The following AMPH variants were observed in gnomAD, a reference collection of about 807,000 sequenced individuals.
AMPH encodes the protein amphiphysin, also known as amphiphysin (Stiff-Mann syndrome with breast cancer 128kD autoantigen).
A neutral mutation model predicts 99.1 loss-of-function variants in AMPH; 49 were observed. The ratio of observed to expected loss-of-function variants is 0.49; its 90% CI spans 0.39 to 0.63. AMPH has a LOEUF of 0.63. Ranked by LOEUF, AMPH falls within the 20% of genes least tolerant of loss-of-function variation. AMPH has a pLI of 0.00. For synonymous variants in AMPH, 314 were observed against 317.3 expected, an observed-to-expected ratio of 0.99 and a Z score of 0.11; for missense variants, 759 against 863.4, an observed-to-expected ratio of 0.88 and a Z score of 1.52.
At chr7:38,545,216 C>A (rs981767891) in intron 1 of AMPH, among the ~76,000 whole-genome samples, 1 of 152,124 alleles carries the variant, frequency 6.6e-6, no homozygotes, top group African/African-American at 2.4e-5. Context: ...ACTTTTGTAG[C>A]AGCAGGAAAT....
intron 1 of AMPH, among the ~76,000 whole-genome samples, chr7:38,572,604 G>A (rs1792089861): frequency 1.3e-5 from 2 of 152,200 alleles, no homozygotes; most frequent in African/African-American, 4.8e-5. Flanking sequence ...AGGAGGTGAT[G>A]TTATTAATGA....
intron 12 of AMPH, among the ~76,000 whole-genome samples, chr7:38,433,395 G>C (rs1786116218): frequency 6.6e-6 from 1 of 152,186 alleles, no homozygotes; most frequent in Non-Finnish European, 1.5e-5. Context: ...TGATTATCTA[G>C]ATGATTCTCA....
intron 12 of AMPH, among the ~76,000 whole-genome samples, chr7:38,434,721 AGAGT>A (rs1220044459): frequency 1.4e-5 from 2 of 147,492 alleles, no homozygotes; most frequent in East Asian, 2.0e-4. Flanking sequence ...CCTGGGCATC[AGAGT>A]AAGACTCCAT....
At chr7:38,487,013 AACAAG>A (rs952646091) in intron 5 of AMPH, among the ~76,000 whole-genome samples, 1 of 152,134 alleles carries the variant, frequency 6.6e-6, no homozygotes, top group Non-Finnish European at 1.5e-5. Flanking sequence ...TGACATCAGA[AACAAG>A]ACAAGGATGC....
intron 2 of AMPH, among the ~76,000 whole-genome samples, chr7:38,532,207 C>T (rs941375359): frequency 2.0e-5 from 3 of 152,090 alleles, no homozygotes; most frequent in Non-Finnish European, 4.4e-5. Context: ...TTCTCCTTGT[C>T]TCTTCTAATA....
At position 38,631,104 on chromosome 7, in the gene AMPH, G is replaced by C. The variant is rs377632770; in HGVS notation, c.69+179C>G. Among the ~76,000 whole-genome samples the C allele has an allele frequency of 4.6e-5, 7 of 151,858 alleles. No individual in the cohort carries two copies. The East Asian group carries it at 1.2e-3, about 25-fold the overall frequency. ...CCCGACCCGCTCCCCGCGGCGCCCGGGTCGCGCCTTGCGGCAGTCACCGAG... is the reference window on the plus strand; with the variant it reads ...CCCGACCCGCTCCCCGCGGCGCCCGCGTCGCGCCTTGCGGCAGTCACCGAG... On this transcript the variant is annotated intron_variant, in intron 1 of 20. Transcript: ENST00000356264.
intron 1 of AMPH, among the ~76,000 whole-genome samples, chr7:38,569,794 A>G (rs574027594): frequency 5.8e-4 from 89 of 152,276 alleles, no homozygotes; most frequent in African/African-American, 2.0e-3. Flanking sequence ...CCTTAGAGGC[A>G]ATAAAAAAGT....
intron 1 of AMPH, among the ~76,000 whole-genome samples, chr7:38,551,951 ACT>A (rs984144932): frequency 9.9e-5 from 15 of 152,230 alleles, no homozygotes; most frequent in Admixed American, 3.9e-4. Flanking sequence ...GTGGACATAC[ACT>A]GTCCTCAGTG....
intron 2 of AMPH, among the ~76,000 whole-genome samples, chr7:38,531,698 G>T (rs1011744523): frequency 2.0e-5 from 3 of 152,040 alleles, no homozygotes; most frequent in Non-Finnish European, 4.4e-5. Flanking sequence ...ATCCTAGAAT[G>T]GTCTACTTCT....
At chr7:38,449,621 C>T (rs111560342) in intron 11 of AMPH, among the ~76,000 whole-genome samples, 8 of 152,152 alleles carry the variant, frequency 5.3e-5, no homozygotes, top group African/African-American at 1.9e-4. Flanking sequence ...GTTACTCCTG[C>T]TCAAGGAATG....
chr7:38,595,742 A>G (rs1255307895), intron 1 of AMPH, among the ~76,000 whole-genome samples: 6 of 152,154 alleles, frequency 3.9e-5, no homozygotes, highest in Admixed American at 3.9e-4. Flanking sequence ...AGTAGTTCCC[A>G]GCGTCTACTG....
At chr7:38,552,187 T>C (rs1329220471) in intron 1 of AMPH, among the ~76,000 whole-genome samples, 1 of 152,198 alleles carries the variant, frequency 6.6e-6, no homozygotes, top group Admixed American at 6.5e-5. Context: ...AAAATGAGTA[T>C]CCTGCAAGAC....
chr7:38,500,762 T>A (rs919530475), intron 3 of AMPH, among the ~76,000 whole-genome samples: 2 of 152,184 alleles, frequency 1.3e-5, no homozygotes, highest in East Asian at 3.8e-4. Flanking sequence ...ATTTTCTGAC[T>A]GAACTGTTAC....
intron 11 of AMPH, among the ~76,000 whole-genome samples, chr7:38,442,005 A>C (rs1279991072): frequency 1.3e-5 from 2 of 151,876 alleles, no homozygotes; most frequent in African/African-American, 2.4e-5. Flanking sequence ...ACACAGGAAC[A>C]GCAAACCAAA....
intron 14 of AMPH, chr7:38,429,203 C>G (rs201696820): frequency 7.8e-7 from 1 of 1,289,326 alleles, no homozygotes; most frequent in East Asian, 5.6e-5. Context: ...GTGGGTCATA[C>G]AGCTGCTCCA....
chr7:38,389,122 C>A (rs1388566488), intron 20 of AMPH, among the ~76,000 whole-genome samples: 9 of 152,174 alleles, frequency 5.9e-5, no homozygotes, highest in Non-Finnish European at 1.0e-4. Context: ...GCTCATAAAT[C>A]TCTTTGAGAA....
At chr7:38,456,103 C>T (rs186180328) in intron 11 of AMPH, among the ~76,000 whole-genome samples, 20 of 152,306 alleles carry the variant, frequency 1.3e-4, no homozygotes, top group Middle Eastern at 3.4e-3. Context: ...CTCCCTGGGG[C>T]CAAGGCTGAT....
chr7:38,402,871 T>C (rs1784880542), intron 17 of AMPH, among the ~76,000 whole-genome samples: 1 of 152,218 alleles, frequency 6.6e-6, no homozygotes, highest in African/African-American at 2.4e-5. Context: ...TTTCTTTTTC[T>C]ATATGCTGGG....
chr7:38,570,952 TA>T lies in AMPH; in HGVS notation c.70-35942del, dbSNP rs1562834202. Reference sequence around the variant, plus strand: ...TTATATATATATATATATTTATATATATAGAATATATATATAGAATATATAT... The same window carrying T: ...TTATATATATATATATATTTATATATTAGAATATATATATAGAATATATAT... On this transcript the variant is annotated intron_variant, in intron 1 of 20. Transcript: ENST00000356264. Among the ~76,000 whole-genome samples, 8 of 94,978 alleles carry T rather than the reference TA, an allele frequency of 8.4e-5. 1 individual carries two copies. Among genetic ancestry groups the T allele is most frequent in the African/African-American group, 3.2e-4 (8 of 25,016 alleles). The allele number at this position is 94,978 out of a possible 152,430, so 62.3% of individuals were successfully genotyped here.
Sources: allele counts gnomAD v4.1 joint callset (sites outside exome capture counted in the v4.1 genomes callset), GRCh38; gene constraint gnomAD v4.1.1; transcripts MANE v1.5; gene names NCBI Gene and HGNC (gene_info 2026-07-23, HGNC 2026-07-21).